UBA7: variants seen among roughly 807,000 people sequenced by gnomAD.
UBA7 encodes the protein ubiquitin-like modifier-activating enzyme 7.
In UBA7, 88 loss-of-function variants were observed where a neutral mutation model predicts 113.0. The ratio of observed to expected loss-of-function variants is 0.78; its 90% CI spans 0.66 to 0.93. The LOEUF is 0.93. Among genes scored for constraint, UBA7 ranks in the 40% least tolerant of loss-of-function variants. The pLI is 0.00. For synonymous variants in UBA7, 459 were observed against 513.0 expected (o/e 0.89, Z 1.42); for missense variants, 1,092 against 1,266.4 (o/e 0.86, Z 2.09).
At position 49,810,094 on chromosome 3, in the gene UBA7, T is replaced by G; in HGVS notation, c.1723A>C (p.Met575Leu). The G allele has an allele frequency of 6.2e-7, 1 of 1,613,112 alleles. No individual in the cohort carries two copies. Among genetic ancestry groups the G allele is most frequent in the South Asian group, 1.1e-5 (1 of 91,076 alleles). The change falls in exon 14 of 24, where the codon ATG (methionine) becomes CTG (leucine). Residue 575 changes from methionine to leucine, a missense_variant. Coordinates refer to ENST00000333486, the MANE Select transcript of UBA7 (RefSeq NM_003335.3). The surrounding 1 kb of genome is among the most constrained non-coding windows in gnomAD (Gnocchi z 5.6). ...CTGTAGGCCTCAGTCACATGTGGCA[T>G]GAATACTGTAGCACTGCCCCAGGTG... ...SGTWGSATVF[M>L]PHVTEAYRAP... is the part of the protein sequence containing the mutation.
rs1376598699 is a variant in UBA7, at chr3:49,805,359, A to T, written c.2988T>A (p.Cys996Ter). The T allele has an allele frequency of 3.1e-6, 5 of 1,613,846 alleles. No homozygotes were observed. The highest frequency in any genetic ancestry group is 4.2e-6 in the Non-Finnish European group (5 of 1,179,962). Residue 996 changes from cysteine to a stop codon, truncating the protein, a stop_gained, in exon 24 of 24, where the codon TGT becomes TGA. Coordinates refer to ENST00000333486, the MANE Select transcript of UBA7 (RefSeq NM_003335.3). LOFTEE classifies it high-confidence loss of function. ...AGGCAGTGTCCTCGTCGTCACCCTC[A>T]CAGCTCAGCTCTAGCACCAACACCC... ...GQRVLVLELS[C>*]EGDDEDTAFP...
At chr3:49,809,204 G>A (rs763858156) in intron 17 of UBA7, 45 bp from the exon 18 acceptor site, 5 of 1,576,038 alleles carry the variant, frequency 3.2e-6, no homozygotes, top group East Asian at 4.5e-5. Flanking sequence ...GGTGCATGGG[G>A]TGGGGGTCAC....
Position 49,806,127 on chromosome 3 carries a change from C to A in UBA7, c.2754G>T (p.Lys918Asn). The change falls in exon 22 of 24, where the codon AAG becomes AAT. Residue 918 changes from lysine (K) to asparagine (N), a missense_variant. Physicochemically the swap from Lys to Asn is moderately conservative, Grantham distance 94. Coordinates refer to ENST00000333486, the MANE Select transcript of UBA7 (RefSeq NM_003335.3). ...HLKWTSWDRL[K>N]VPAGQPERTL... ...TCCTCTCAGGCTGCCCAGCTGGTAC[C>A]TTCAGACGGTCCCAAGAGGTCCACT... The A allele has an allele frequency of 6.2e-7, 1 of 1,602,856 alleles. No individual in the cohort carries two copies. The highest frequency in any genetic ancestry group is 1.1e-5 in the South Asian group (1 of 88,690).
Position 49,813,903 on chromosome 3 carries a change from G to T in UBA7, c.-116C>A, listed in dbSNP as rs867352697. The stretch of plus-strand genomic sequence containing the variant: ...GTAGCCAGTGCAAACAGGAACCAAG[G>T]CCAAGCGAATAAGGGACGCTGCTGG... On this transcript the variant is annotated 5_prime_UTR_variant, in exon 1 of 24. Coordinates refer to ENST00000333486, the MANE Select transcript of UBA7 (RefSeq NM_003335.3). 2 of 1,199,766 alleles carry T rather than the reference G, an allele frequency of 1.7e-6. No homozygotes were observed. The highest frequency in any genetic ancestry group is 2.2e-5 in the Admixed American group (1 of 44,640). The allele number at this position is 1,199,766 out of a possible 1,614,324, so 74.3% of individuals were successfully genotyped here.
In UBA7 at chr3:49,813,368, G is replaced by C. The variant is rs776591597; in HGVS notation, c.241C>G (p.Gln81Glu). 1.9e-6 allele frequency: 3 copies of C among 1,613,606 alleles called. No individual in the cohort carries two copies. The highest frequency in any genetic ancestry group is 2.5e-6 in the Non-Finnish European group (3 of 1,179,816). The change falls in exon 3 of 24, where the codon CAG (glutamine) becomes GAG (glutamate). Residue 81 changes from glutamine (Q) to glutamate (E), a missense_variant. Gln to Glu is a conservative substitution (Grantham distance 29, BLOSUM62 2). Around this residue, in one of 3 missense-constraint regions of UBA7, gnomAD observed 584 missense variants for 714.5 expected, o/e 0.82. Transcript: ENST00000333486. ...TCGGCTCTGCTCCTTTCCAAGTCCT[G>C]CTCTGAGAGGAGAAACTAGGGAGAG... The part of the protein sequence containing the change: ...DLAAQFLLSE[Q>E]DLERSRAEAS...
chr3:49,810,480 C>T lies in UBA7; in HGVS notation c.1467+37G>A. 1.2e-6 allele frequency: 2 copies of T among 1,613,944 alleles called. No individual in the cohort carries two copies. Among genetic ancestry groups the T allele is most frequent in the Non-Finnish European group, 8.5e-7 (1 of 1,179,886 alleles). On this transcript the variant is annotated intron_variant, in intron 12 of 23. Transcript: ENST00000333486. The surrounding 1 kb of genome is among the most constrained non-coding windows in gnomAD (Gnocchi z 5.6). Reference sequence around the variant, plus strand: ...GTGGGAAGCTGTATGGGAGGACGGTCTGGGATGCAGGAGTGTGGAGAGGGG... The same window carrying T: ...GTGGGAAGCTGTATGGGAGGACGGTTTGGGATGCAGGAGTGTGGAGAGGGG...
Position 49,808,380 on chromosome 3 carries a change from A to G in UBA7, c.2430+6T>C. 6.2e-7 allele frequency: 1 copy of G among 1,614,124 alleles called. No homozygotes were observed. Among genetic ancestry groups the G allele is most frequent in the Admixed American group, 1.7e-5 (1 of 60,018 alleles). On this transcript the variant is annotated splice_donor_region_variant and intron_variant, in intron 19 of 23. Transcript: ENST00000333486. ...CCCCACTCCTCACTGCCACTTGGGC[A>G]CCCACCTTCTCAAACATCAGAGGCT...
Position 49,813,351 on chromosome 3 carries a change from G to T in UBA7, c.258C>A (p.Ser86Arg). ...FLLSEQDLER[S>R]RAEASQELLA... ...AGAGCTCTTGAGAGGCCTCGGCTCT[G>T]CTCCTTTCCAAGTCCTGCTCTGAGA... The change falls in exon 3 of 24, where the codon AGC becomes AGA. Residue 86 changes from serine (S) to arginine (R), a missense_variant. By Grantham distance (110) the Ser-to-Arg change is moderately radical. Coordinates refer to ENST00000333486, the MANE Select transcript of UBA7 (RefSeq NM_003335.3). The T allele has an allele frequency of 6.2e-7, 1 of 1,614,086 alleles. No homozygotes were observed.
In UBA7 at chr3:49,809,064, C is replaced by A. The variant is rs780576643; in HGVS notation, c.2259G>T (p.Leu753=). Residue 753 remains leucine, a synonymous_variant, in exon 18 of 24, where the codon CTG becomes CTT. Transcript: ENST00000333486. ...GGTCAGGCTGTGGCAGCAGCTTCAGCAGCTCCCTGAGTGCAGTCCAGTCCT... is the reference window on the plus strand; with the variant it reads ...GGTCAGGCTGTGGCAGCAGCTTCAGAAGCTCCCTGAGTGCAGTCCAGTCCT... ...GSQDWTALRE[L]LKLLPQPDPQ... 3 of 1,613,660 alleles carry A rather than the reference C, an allele frequency of 1.9e-6. No homozygotes were observed. The African/African-American group carries it at 4.0e-5, about 22-fold the overall frequency.
Position 49,810,924 on chromosome 3 carries a change from C to T in UBA7, c.1230+60G>A. On this transcript the variant is annotated intron_variant, in intron 10 of 23. Transcript: ENST00000333486. The surrounding 1 kb of genome is among the most constrained non-coding windows in gnomAD (Gnocchi z 5.6). ...GAATCAGGACCTGGAGGGCATTCCT[C>T]ATGCTTCTCCCCTAGTCCTGATTTT... 1 of 1,609,538 alleles carries T rather than the reference C, an allele frequency of 6.2e-7. No individual in the cohort carries two copies. Among genetic ancestry groups the T allele is most frequent in the East Asian group, 2.2e-5 (1 of 44,862 alleles).
chr3:49,809,506 C>G (rs777964159), intron 16 of UBA7, 36 bp downstream of exon 16: 3 of 1,613,718 alleles, frequency 1.9e-6, no homozygotes, highest in African/African-American at 1.3e-5. Flanking sequence ...GTCTGGTCCC[C>G]CTGAGCCCCC....
intron 2 of UBA7, 27 bp downstream of exon 2, chr3:49,813,452 C>T (rs139392866): frequency 8.1e-6 from 13 of 1,609,104 alleles, no homozygotes; most frequent in Non-Finnish European, 1.1e-5. Context: ...CTTGGTCTGG[C>T]AGCCCATAGC....
chr3:49,811,366 C>T lies in UBA7; in HGVS notation c.1029G>A (p.Glu343=). The change falls in exon 9 of 24, where the codon GAG becomes GAA. Residue 343 remains glutamate, a synonymous_variant. Transcript: ENST00000333486. The part of the protein sequence containing the change: ...EEEPLEEPLD[E]ALVRTVALSS... ...TTAGGGCGACTGTCCGCACTAGGGC[C>T]TCATCCAGTGGCTCTTCCAGTGGCT... 6 of 1,614,146 alleles carry T rather than the reference C, an allele frequency of 3.7e-6. No individual in the cohort carries two copies. The highest frequency in any genetic ancestry group is 5.1e-6 in the Non-Finnish European group (6 of 1,179,994).
chr3:49,809,389 C>T lies in UBA7; in HGVS notation c.2163+1G>A, dbSNP rs2081504974. ...GGAGCTCCCTACAGAATCCCACTCACTTGGTTGGTGTCAAACTCCAAGGGC... is the reference window on the plus strand; with the variant it reads ...GGAGCTCCCTACAGAATCCCACTCATTTGGTTGGTGTCAAACTCCAAGGGC... On this transcript the variant is annotated splice_donor_variant, in intron 17 of 23. Coordinates refer to ENST00000333486, the MANE Select transcript of UBA7 (RefSeq NM_003335.3). LOFTEE classifies it high-confidence loss of function. The T allele has an allele frequency of 6.2e-7, 1 of 1,614,042 alleles. No homozygotes were observed.
Position 49,805,223 on chromosome 3 carries a change from A to G in UBA7, c.*85T>C. 1 of 1,382,384 alleles carries G rather than the reference A, an allele frequency of 7.2e-7. No homozygotes were observed. Among genetic ancestry groups the G allele is most frequent in the South Asian group, 1.2e-5 (1 of 83,386 alleles). 85.6% of individuals were successfully genotyped at this position (1,382,384 alleles called of 1,614,324 possible). A position where few individuals can be genotyped will look rare whatever the true frequency, so the allele number is the denominator to read the frequency against. On this transcript the variant is annotated 3_prime_UTR_variant, in exon 24 of 24. Transcript: ENST00000333486. ...TCTGCAATGCCTTCCTTTAACAAGC[A>G]TTTATTGAGTGCCTACTGTGGGCTT...
Position 49,809,634 on chromosome 3 carries a change from A to T in UBA7, c.1996T>A (p.Trp666Arg). Residue 666 changes from tryptophan to arginine, a missense_variant, in exon 16 of 24, where the codon TGG (tryptophan) becomes AGG (arginine). Trp to Arg is a moderately radical substitution (Grantham distance 101, BLOSUM62 -3). Around this residue, in one of 3 missense-constraint regions of UBA7, gnomAD observed 500 missense variants for 529.3 expected, o/e 0.94. Coordinates refer to ENST00000333486, the MANE Select transcript of UBA7 (RefSeq NM_003335.3). ...LGVLRVRPQN[W>R]QDCVAWALGH... ...AGAGCCCACGCCACACAGTCTTGCC[A>T]GTTCTGTGGACGCACTCTCAGGACC... 6.2e-7 allele frequency: 1 copy of T among 1,614,094 alleles called. No homozygotes were observed. The highest frequency in any genetic ancestry group is 8.5e-7 in the Non-Finnish European group (1 of 1,180,048).
At position 49,813,581 on chromosome 3, in the gene UBA7, C is replaced by T. The variant is rs1679111332; in HGVS notation, c.123G>A (p.Gln41=). The T allele has an allele frequency of 6.2e-7, 1 of 1,614,182 alleles. No homozygotes were observed. Among genetic ancestry groups the T allele is most frequent in the Non-Finnish European group, 8.5e-7 (1 of 1,180,050 alleles). The change falls in exon 2 of 24, where the codon CAG becomes CAA. Residue 41 remains glutamine, a synonymous_variant. Transcript: ENST00000333486. ...TCTTGGCCACCTCGGCCCCCAGGCC[C>T]TGCAGGCCTGACACCAGGACCCTGG... ...QGARVLVSGL[Q]GLGAEVAKNL... is the part of the protein sequence containing the mutation.
rs1169559278 is a variant in UBA7, at chr3:49,807,653, G to A, written c.2715+83C>T. 29 of 1,477,206 alleles carry A rather than the reference G, an allele frequency of 2.0e-5. No homozygotes were observed. The highest frequency in any genetic ancestry group is 2.8e-5 in the African/African-American group (2 of 71,216). The allele number at this position is 1,477,206 out of a possible 1,614,324, so 91.5% of individuals were successfully genotyped here. A position where few individuals can be genotyped will look rare whatever the true frequency, so the allele number is the denominator to read the frequency against. ...CACAGTCTGAGTTTCAGTGAGAGCC[G>A]GCAGCTAGATTGGGGCCTGTATGGG... is the stretch of plus-strand genomic sequence containing the variant. On this transcript the variant is annotated intron_variant, in intron 21 of 23. Coordinates refer to ENST00000333486, the MANE Select transcript of UBA7 (RefSeq NM_003335.3). The surrounding 1 kb of genome is among the most constrained non-coding windows in gnomAD (Gnocchi z 4.0).
At chr3:49,806,212 A>C in intron 21 of UBA7, 47 bp from the exon 22 acceptor site, 2 of 1,371,456 alleles carry the variant, frequency 1.5e-6, no homozygotes, top group Non-Finnish European at 2.0e-6. Context: ...CCTCCCCCCA[A>C]CCCCCATCCC....
Sources: gnomAD v4.1 joint callset for allele counts on GRCh38, gnomAD v4.1.1 for gene constraint, gnomAD v4.1.1 regional missense constraint, Gnocchi (gnomAD v3.1) non-coding constraint, MANE v1.5 for transcripts, NCBI Gene and HGNC (gene_info 2026-07-23, HGNC 2026-07-21) for gene names.